TSHZ2: variants seen among roughly 807,000 people sequenced by gnomAD.
TSHZ2 encodes teashirt zinc finger homeobox 2.
TSHZ2 carries 21 observed loss-of-function variants against 74.4 expected under a neutral mutation model. That is an observed-to-expected ratio of 0.28 (90% CI 0.20 to 0.41). The LOEUF (loss-of-function observed/expected upper bound fraction) is 0.41. Ranked by LOEUF, TSHZ2 falls within the 10% of genes least tolerant of loss-of-function variation. The pLI, the probability that TSHZ2 is intolerant of heterozygous loss-of-function variation, is 1.00. For synonymous variants in TSHZ2, 540 were observed against 515.3 expected (o/e 1.05, Z -0.65); for missense variants, 1,244 against 1,293.5 (o/e 0.96, Z 0.59).
chr20:53,163,363 T>C (rs998743252), intron 1 of TSHZ2, among the ~76,000 whole-genome samples: 5 of 107,566 alleles, frequency 4.6e-5, no homozygotes, highest in Non-Finnish European at 9.2e-5. Flanking sequence ...TCTGTCTCTT[T>C]TTTTTTTTTT....
chr20:53,464,727 C>T (rs1051929250), intron 2 of TSHZ2, among the ~76,000 whole-genome samples: 2 of 152,116 alleles, frequency 1.3e-5, no homozygotes, highest in African/African-American at 4.8e-5. Flanking sequence ...CTCTGCTTCC[C>T]AAAGTGCTGG....
intron 2 of TSHZ2, among the ~76,000 whole-genome samples, chr20:53,332,997 C>T (rs552396215): frequency 3.9e-5 from 6 of 152,174 alleles, no homozygotes; most frequent in African/African-American, 1.4e-4. Context: ...GTGTGTGATT[C>T]TCTCTCCCAG....
chr20:53,180,971 C>T (rs1034561356), intron 1 of TSHZ2, among the ~76,000 whole-genome samples: 1 of 152,100 alleles, frequency 6.6e-6, no homozygotes, highest in Non-Finnish European at 1.5e-5. Flanking sequence ...GCCCTTTAGA[C>T]TTAGCTAAAA....
At chr20:53,001,442 G>C (rs556588014) in intron 1 of TSHZ2, among the ~76,000 whole-genome samples, 31 of 152,194 alleles carry the variant, frequency 2.0e-4, no homozygotes, top group African/African-American at 7.2e-4. Context: ...TGACCTGTTT[G>C]AACAACTAGT....
intron 1 of TSHZ2, among the ~76,000 whole-genome samples, chr20:53,079,615 G>T (rs1322524519): frequency 2.0e-5 from 3 of 152,158 alleles, no homozygotes; most frequent in Admixed American, 1.3e-4. Flanking sequence ...ATTTCAAACA[G>T]CTGGATTATG....
At chr20:53,282,431 A>G (rs1310741689) in intron 2 of TSHZ2, among the ~76,000 whole-genome samples, 1 of 152,198 alleles carries the variant, frequency 6.6e-6, no homozygotes, top group Non-Finnish European at 1.5e-5. Flanking sequence ...TGCTGTGTGC[A>G]TTGTGTCAAG....
intron 1 of TSHZ2, among the ~76,000 whole-genome samples, chr20:53,145,822 A>G (rs749585110): frequency 1.3e-5 from 2 of 152,242 alleles, no homozygotes; most frequent in Non-Finnish European, 2.9e-5. Context: ...CCTAGGAAAT[A>G]CGCACAAGGC....
intron 2 of TSHZ2, among the ~76,000 whole-genome samples, chr20:53,361,879 T>C (rs1366756333): frequency 6.6e-6 from 1 of 151,214 alleles, no homozygotes; most frequent in Non-Finnish European, 1.5e-5. Flanking sequence ...TAGTTGGTTT[T>C]CTTTTGTTGT....
chr20:53,401,468 T>A (rs569611917), intron 2 of TSHZ2, among the ~76,000 whole-genome samples: 46 of 152,296 alleles, frequency 3.0e-4, no homozygotes, highest in Non-Finnish European at 6.3e-4. Context: ...TTAGTGGTGA[T>A]TTCTGAGATT....
chr20:53,478,447 G>T (rs1986047302), intron 2 of TSHZ2, among the ~76,000 whole-genome samples: 1 of 146,650 alleles, frequency 6.8e-6, no homozygotes, highest in Non-Finnish European at 1.5e-5. Flanking sequence ...TCACTCATAG[G>T]TGGGAATTGA....
chr20:53,070,919 C>G (rs1208060550), intron 1 of TSHZ2, among the ~76,000 whole-genome samples: 1 of 152,128 alleles, frequency 6.6e-6, no homozygotes, highest in Admixed American at 6.5e-5. Context: ...ACTTAAATTA[C>G]TGGTAGTCTG....
rs74913032 is a variant in TSHZ2 at position 53,152,918 on chromosome 20, C to G, written c.41-100581C>G. ...GAGGACCCAGAGAAGAATTGCCTAC[C>G]CCAGTCCTGTGCAGGCAGGAAAGAA... On this transcript the variant is annotated intron_variant, in intron 1 of 2. Transcript: ENST00000371497. 1.1e-3 allele frequency among the ~76,000 whole-genome samples: 174 copies of G among 152,198 alleles called. 2 individuals carry two copies. The East Asian group carries it at 0.026, about 23-fold the overall frequency.
At chr20:53,299,832 C>A (rs1407490360) in intron 2 of TSHZ2, among the ~76,000 whole-genome samples, 1 of 152,162 alleles carries the variant, frequency 6.6e-6, no homozygotes, top group Non-Finnish European at 1.5e-5. Context: ...CTCAGAGACA[C>A]CAACTTCTAA....
chr20:53,389,986 T>C (rs1310277111), intron 2 of TSHZ2, among the ~76,000 whole-genome samples: 1 of 152,192 alleles, frequency 6.6e-6, no homozygotes, highest in African/African-American at 2.4e-5. Flanking sequence ...TTAAACTTTG[T>C]GTGTTGGAAT....
chr20:53,411,299 A>G (rs987908814), intron 2 of TSHZ2, among the ~76,000 whole-genome samples: 9 of 152,278 alleles, frequency 5.9e-5, no homozygotes, highest in Middle Eastern at 3.4e-3. Context: ...CTTGGCATGA[A>G]CTTATGTAAA....
chr20:53,247,701 C>T (rs1990239650), intron 1 of TSHZ2, among the ~76,000 whole-genome samples: 1 of 152,202 alleles, frequency 6.6e-6, no homozygotes, highest in Admixed American at 6.5e-5. Flanking sequence ...CCTGTGGCAT[C>T]TTCCTGTGAC....
intron 1 of TSHZ2, among the ~76,000 whole-genome samples, chr20:53,188,613 A>G (rs928449787): frequency 1.3e-5 from 2 of 152,232 alleles, no homozygotes; most frequent in Non-Finnish European, 2.9e-5. Context: ...AAGCCTTGTT[A>G]GGATTTGGTG....
intron 1 of TSHZ2, among the ~76,000 whole-genome samples, chr20:53,018,713 C>T (rs976433697): frequency 1.3e-5 from 2 of 152,160 alleles, no homozygotes; most frequent in Admixed American, 1.3e-4. Flanking sequence ...TGCATTTGTG[C>T]TATTTTCTCC....
chr20:53,024,432 TAATG>T (rs140564423), intron 1 of TSHZ2, among the ~76,000 whole-genome samples: 1,520 of 151,658 alleles, frequency 0.01, 26 homozygotes, highest in African/African-American at 0.035. Context: ...CTCAAATAAT[TAATG>T]GTCTAGGTAG....
Sources: allele counts gnomAD v4.1 joint callset (sites outside exome capture counted in the v4.1 genomes callset), GRCh38; gene constraint gnomAD v4.1.1; transcripts MANE v1.5; gene names NCBI Gene and HGNC (gene_info 2026-07-23, HGNC 2026-07-21).